Variants in ARHGAP45 observed in about 807,000 individuals in gnomAD.
ARHGAP45 encodes Rho GTPase activating protein 45.
ARHGAP45 carries 56 observed loss-of-function variants against 116.1 expected under a neutral mutation model. The observed-to-expected ratio is 0.48, with a 90% CI of 0.39 to 0.60. ARHGAP45 has a LOEUF of 0.60. ARHGAP45 is among the 20% of genes least tolerant of loss of function. The pLI, the probability that ARHGAP45 is intolerant of heterozygous loss-of-function variation, is 0.00. For synonymous variants in ARHGAP45, 866 were observed against 701.7 expected (o/e 1.23, Z -3.70); for missense variants, 1,622 against 1,601.0 (o/e 1.01, Z -0.22).
In ARHGAP45 at chr19:1,086,020, T is replaced by C. The variant is rs2043633800; in HGVS notation, c.*14T>C. ...GAATTCGTGTGAGCTGGGGTGGGGC[T>C]GGGACCACAGGTGGCTTCTCTCTTG... is the stretch of plus-strand genomic sequence containing the variant. On this transcript the variant is annotated 3_prime_UTR_variant, in exon 23 of 23. Transcript: ENST00000313093. 5 of 1,603,394 alleles carry C rather than the reference T, an allele frequency of 3.1e-6. No individual in the cohort carries two copies. The highest frequency in any genetic ancestry group is 4.3e-6 in the Non-Finnish European group (5 of 1,173,180).
At chr19:1,066,132 T>C (rs2043026280), upstream of ARHGAP45, 2 of 1,535,646 alleles carry the variant, frequency 1.3e-6, no homozygotes, top group East Asian at 4.9e-5. Flanking sequence ...CTTCATGTCC[T>C]GTGCCCCAGA....
rs751555279 is a variant in ARHGAP45 at position 1,074,113 on chromosome 19, C to A, written c.800C>A (p.Pro267His). 1.2e-6 allele frequency: 2 copies of A among 1,612,140 alleles called. No homozygotes were observed. Among genetic ancestry groups the A allele is most frequent in the Non-Finnish European group, 1.7e-6 (2 of 1,179,436 alleles). The change falls in exon 7 of 23, where the codon CCC (proline) becomes CAC (histidine). Residue 267 changes from proline to histidine, a missense_variant. This residue lies in a region of ARHGAP45 where 1,334 missense variants were observed against 1,263.8 expected (regional missense o/e 1.06). Transcript: ENST00000313093. ...SLEDCDAGCL[P>H]AEEVDVLLQR... ...CCCCCGTTCCCTGCAGGCTGCCTGC[C>A]CGCCGAGGAGGTGGACGTGCTGCTA...
Position 1,086,374 on chromosome 19 carries a change from T to C in ARHGAP45, c.*368T>C, listed in dbSNP as rs2145114842. On this transcript the variant is annotated 3_prime_UTR_variant, in exon 23 of 23. Coordinates refer to ENST00000313093, the MANE Select transcript of ARHGAP45 (RefSeq NM_012292.5). ...GGGACGCAGGAGGCAGGCCCTGCCC[T>C]GCCCTCTCCTCACAGGTCTGTTGCA... The C allele has an allele frequency of 4.3e-6, 1 of 231,780 alleles. No individual in the cohort carries two copies. Among genetic ancestry groups the C allele is most frequent in the Non-Finnish European group, 8.7e-6 (1 of 115,078 alleles). 14.4% of individuals were successfully genotyped at this position (231,780 alleles called of 1,614,324 possible).
At position 1,084,050 on chromosome 19, in the gene ARHGAP45, T is replaced by G. The variant is rs2043524764; in HGVS notation, c.2956-188T>G. The stretch of plus-strand genomic sequence containing the variant: ...GAGCCACTGCACGCGGCGTCTCGTA[T>G]TCTTTCAATCCATCTTCCCTGGGTG... On this transcript the variant is annotated intron_variant, in intron 21 of 22. Transcript: ENST00000313093. Among the ~76,000 whole-genome samples, 6 of 152,294 alleles carry G rather than the reference T, an allele frequency of 3.9e-5. 1 individual carries two copies. In the South Asian group the frequency reaches 1.2e-3, roughly 32 times the overall value.
Position 1,081,620 on chromosome 19 carries a change from G to A in ARHGAP45, c.2261G>A (p.Gly754Asp), listed in dbSNP as rs1407902114. The change falls in exon 18 of 23, where the codon GGC (glycine) becomes GAC (aspartate). Residue 754 changes from glycine (G) to aspartate (D), a missense_variant. This residue lies in a region of ARHGAP45 where 1,334 missense variants were observed against 1,263.8 expected (regional missense o/e 1.06). Transcript: ENST00000313093. The stretch of plus-strand genomic sequence containing the variant: ...CAGTGCGGGCACAAGAAGCTGCAAG[G>A]CCGCCTGCAGCTGTTCGGCCAGGAC... ...AIQCGHKKLQGRLQLFGQDFS... is the reference protein window; with the variant it reads ...AIQCGHKKLQDRLQLFGQDFS... 8 of 1,560,742 alleles carry A rather than the reference G, an allele frequency of 5.1e-6. No homozygotes were observed. The highest frequency in any genetic ancestry group is 2.4e-5 in the East Asian group (1 of 42,046).
intron 14 of ARHGAP45, 22 bp downstream of exon 14, chr19:1,080,401 G>A (rs759574673): frequency 6.2e-7 from 1 of 1,608,630 alleles, no homozygotes; most frequent in South Asian, 1.1e-5. Context: ...GCGGGGCCCA[G>A]GGGCGGACGC....
intron 8 of ARHGAP45, 84 bp downstream of exon 8, chr19:1,074,491 G>A: frequency 7.1e-7 from 1 of 1,413,058 alleles, no homozygotes; most frequent in Non-Finnish European, 9.4e-7. Context: ...GGGACCAAGA[G>A]CAGGGGCTTC....
chr19:1,068,590 G>A lies in ARHGAP45; in HGVS notation c.267G>A (p.Arg89=). 6.2e-7 allele frequency: 1 copy of A among 1,610,824 alleles called. No individual in the cohort carries two copies. Among genetic ancestry groups the A allele is most frequent in the South Asian group, 1.1e-5 (1 of 90,972 alleles). The change falls in exon 2 of 23, where the codon CGG becomes CGA. Residue 89 remains arginine (R), a synonymous_variant. Coordinates refer to ENST00000313093, the MANE Select transcript of ARHGAP45 (RefSeq NM_012292.5). The surrounding 1 kb of genome is among the most constrained non-coding windows in gnomAD (Gnocchi z 7.5). ...GTGCTGCCTCCTGGACACTGGGCCG[G>A]AGCCACCGGAGCCCACTGACAGCCG... ...LSGAASWTLG[R]SHRSPLTAAS... is the part of the protein sequence containing the mutation.
At chr19:1,084,130 C>T (rs1227457190) in intron 21 of ARHGAP45, 108 bp from the exon 22 acceptor site, 9 of 1,020,294 alleles carry the variant, frequency 8.8e-6, no homozygotes, top group Admixed American at 8.7e-5. Context: ...ACCGCCTGGG[C>T]AACAGCGGGT....
At chr19:1,077,112 G>GT (rs770352947) in intron 10 of ARHGAP45, 37 of 985,258 alleles carry the variant, frequency 3.8e-5, no homozygotes, top group Non-Finnish European at 4.5e-5. Context: ...GAGCCCACAG[G>GT]TTTTTGACTA....
At position 1,080,806 on chromosome 19, in the gene ARHGAP45, G is replaced by A. The variant is rs2043411037; in HGVS notation, c.2017+20G>A. 2.5e-6 allele frequency: 4 copies of A among 1,612,390 alleles called. No homozygotes were observed. Among genetic ancestry groups the A allele is most frequent in the Non-Finnish European group, 3.4e-6 (4 of 1,179,456 alleles). ...AGCAGGGTGAGGGTCCCCTGACGGGGCTGGAGAGAGAGGGGGGTTTGGACA... is the reference window on the plus strand; with the variant it reads ...AGCAGGGTGAGGGTCCCCTGACGGGACTGGAGAGAGAGGGGGGTTTGGACA... On this transcript the variant is annotated intron_variant, in intron 16 of 22. Transcript: ENST00000313093.
chr19:1,074,820 G>A lies in ARHGAP45; in HGVS notation c.1126G>A (p.Glu376Lys), dbSNP rs751873264. The change falls in exon 10 of 23, where the codon GAA becomes AAA. Residue 376 changes from glutamate to lysine, a missense_variant. By Grantham distance (56) the Glu-to-Lys change is moderately conservative. Transcript: ENST00000313093. Reference sequence around the variant, plus strand: ...CCAGCCCCTGACCCTGCGGCGGCTTGAACACGAGAAGCGCAGGAAGGAGAT... The same window carrying A: ...CCAGCCCCTGACCCTGCGGCGGCTTAAACACGAGAAGCGCAGGAAGGAGAT... ...FMQPLTLRRL[E>K]HEKRRKEIKE... 1 of 1,420,532 alleles carries A rather than the reference G, an allele frequency of 7.0e-7. No individual in the cohort carries two copies. Among genetic ancestry groups the A allele is most frequent in the Non-Finnish European group, 9.4e-7 (1 of 1,062,918 alleles). 88.0% of individuals were successfully genotyped at this position (1,420,532 alleles called of 1,614,324 possible).
intron 10 of ARHGAP45, 138 bp from the exon 11 acceptor site, chr19:1,077,719 C>G (rs2043292608): frequency 1.3e-6 from 2 of 1,510,772 alleles, no homozygotes; most frequent in African/African-American, 2.8e-5. Flanking sequence ...GATTGTTGTG[C>G]AGGGTCCTCT....
At position 1,074,787 on chromosome 19, in the gene ARHGAP45, G is replaced by C; in HGVS notation, c.1105-12G>C. 1 of 1,600,746 alleles carries C rather than the reference G, an allele frequency of 6.2e-7. No individual in the cohort carries two copies. The highest frequency in any genetic ancestry group is 8.5e-7 in the Non-Finnish European group (1 of 1,175,720). ...TCACCGGGGTACCCACTCACGGCCCGTCTCGCCCCAGCCCCTGACCCTGCG... is the reference window on the plus strand; with the variant it reads ...TCACCGGGGTACCCACTCACGGCCCCTCTCGCCCCAGCCCCTGACCCTGCG... On this transcript the variant is annotated splice_polypyrimidine_tract_variant and intron_variant, in intron 9 of 22. Transcript: ENST00000313093.
At chr19:1,066,804 C>T (rs1268245992), upstream of ARHGAP45, among the ~76,000 whole-genome samples, 1 of 148,196 alleles carries the variant, frequency 6.7e-6, no homozygotes, top group Non-Finnish European at 1.5e-5. Context: ...CCCGGCCACA[C>T]CCTAGGGTCT....
upstream of ARHGAP45, chr19:1,066,225 T>A (rs2043028310): frequency 2.3e-6 from 3 of 1,306,326 alleles, no homozygotes; most frequent in Admixed American, 6.5e-5. Flanking sequence ...GGGGTGGGGT[T>A]CTGGAAGGGG....
chr19:1,085,768 A>G lies in ARHGAP45; in HGVS notation c.3173A>G (p.Gln1058Arg). The part of the protein sequence containing the change: ...ALGHLSFLEQ[Q>R]QSEASLEVAS... The stretch of plus-strand genomic sequence containing the variant: ...GGCCACCTCAGCTTCCTGGAGCAGC[A>G]GCAGAGCGAGGCCAGCCTAGAGGTG... Residue 1058 changes from glutamine (Q) to arginine (R), a missense_variant, in exon 23 of 23, where the codon CAG becomes CGG. Physicochemically the swap from Gln to Arg is conservative, Grantham distance 43. This residue lies in a region of ARHGAP45 where 1,334 missense variants were observed against 1,263.8 expected (regional missense o/e 1.06). Transcript: ENST00000313093. The G allele has an allele frequency of 1.2e-6, 2 of 1,612,702 alleles. No individual in the cohort carries two copies. The highest frequency in any genetic ancestry group is 1.7e-6 in the Non-Finnish European group (2 of 1,179,846).
chr19:1,081,061 A>T lies in ARHGAP45; in HGVS notation c.2187A>T (p.Glu729Asp), dbSNP rs1239143109. 6.2e-7 allele frequency: 1 copy of T among 1,605,532 alleles called. No homozygotes were observed. The highest frequency in any genetic ancestry group is 1.7e-5 in the Admixed American group (1 of 58,860). The change falls in exon 17 of 23, where the codon GAA (glutamate) becomes GAT (aspartate). Residue 729 changes from glutamate (E) to aspartate (D), a missense_variant. By Grantham distance (45) the Glu-to-Asp change is conservative (BLOSUM62 2). This residue lies in a region of ARHGAP45 where 1,334 missense variants were observed against 1,263.8 expected (regional missense o/e 1.06). Transcript: ENST00000313093. Reference protein sequence around the residue: ...SYVYFQGAECEECCLACHKKC... With the variant: ...SYVYFQGAECDECCLACHKKC... ...TCTACTTCCAGGGTGCTGAGTGTGA[A>T]GAGGTGAGTGGGACGCCCCGACGGA...
chr19:1,068,845 C>A lies in ARHGAP45; in HGVS notation c.421+101C>A, dbSNP rs1395502376. The A allele has an allele frequency of 8.7e-7, 1 of 1,146,452 alleles. No individual in the cohort carries two copies. Among genetic ancestry groups the A allele is most frequent in the East Asian group, 2.4e-5 (1 of 41,514 alleles). 71.0% of individuals were successfully genotyped at this position (1,146,452 alleles called of 1,614,324 possible). A position where few individuals can be genotyped will look rare whatever the true frequency, so the allele number is the denominator to read the frequency against. ...GGGAGGCTCAGAAGGGAGGGAGGCT[C>A]AGATGGCAGGGAGGGCTGTGTGGAA... On this transcript the variant is annotated intron_variant, in intron 2 of 22. Transcript: ENST00000313093. The surrounding 1 kb of genome is among the most constrained non-coding windows in gnomAD (Gnocchi z 7.5).
Sources: allele counts gnomAD v4.1 joint callset (sites outside exome capture counted in the v4.1 genomes callset), GRCh38; gene constraint gnomAD v4.1.1; regional missense constraint gnomAD v4.1.1; non-coding constraint Gnocchi (gnomAD v3.1); transcripts MANE v1.5; gene names NCBI Gene and HGNC (gene_info 2026-07-23, HGNC 2026-07-21).